Variants in ZC3H7B observed in about 807,000 individuals in gnomAD.
ZC3H7B encodes the protein zinc finger CCCH domain-containing protein 7B.
In ZC3H7B, 35 loss-of-function variants were observed where a neutral mutation model predicts 116.0. The ratio of observed to expected loss-of-function variants is 0.30; its 90% CI spans 0.23 to 0.40. The LOEUF is 0.40. Ranked by LOEUF, ZC3H7B falls within the 10% of genes least tolerant of loss-of-function variation. The pLI is 1.00. For synonymous variants in ZC3H7B, 502 were observed against 545.6 expected (o/e 0.92, Z 1.11); for missense variants, 1,011 against 1,321.5 (o/e 0.77, Z 3.64).
chr22:41,310,104 C>T (rs2036098705), intron 1 of ZC3H7B, among the ~76,000 whole-genome samples: 1 of 152,046 alleles, frequency 6.6e-6, no homozygotes, highest in African/African-American at 2.4e-5. Context: ...ACTCGGGAGG[C>T]TGAGGCAGGA....
At chr22:41,304,629 G>C (rs1287846634) in intron 1 of ZC3H7B, among the ~76,000 whole-genome samples, 1 of 152,162 alleles carries the variant, frequency 6.6e-6, no homozygotes, top group Non-Finnish European at 1.5e-5. Context: ...AGTTAGAGAA[G>C]GCTTCTTCTA....
intron 1 of ZC3H7B, 149 bp from the exon 2 acceptor site, chr22:41,320,506 G>A: frequency 1.2e-6 from 1 of 854,390 alleles, no homozygotes; most frequent in Non-Finnish European, 2.0e-6. Flanking sequence ...CCTGAGGGTG[G>A]TCATCGCCCT....
At chr22:41,339,277 A>G (rs1043727339) in intron 9 of ZC3H7B, 86 bp downstream of exon 9, 27 of 1,463,902 alleles carry the variant, frequency 1.8e-5, no homozygotes, top group East Asian at 2.4e-5. Flanking sequence ...GAAGGCCCCA[A>G]TGCTCATGTC....
At chr22:41,323,179 G>A (rs2036278550) in intron 2 of ZC3H7B, among the ~76,000 whole-genome samples, 1 of 152,174 alleles carries the variant, frequency 6.6e-6, no homozygotes, top group Admixed American at 6.5e-5. Context: ...CTGGGCTGTT[G>A]TCCAACCCCA....
At chr22:41,355,374 T>C in intron 17 of ZC3H7B, 95 bp from the exon 18 acceptor site, 1 of 1,529,532 alleles carries the variant, frequency 6.5e-7, no homozygotes, top group South Asian at 1.3e-5. Context: ...ACCAGCTTAT[T>C]CCAAGGCTCT....
chr22:41,342,298 G>A (rs2145931345), intron 11 of ZC3H7B, among the ~76,000 whole-genome samples: 1 of 152,274 alleles, frequency 6.6e-6, no homozygotes, highest in South Asian at 2.1e-4. Flanking sequence ...CACTAGCCTG[G>A]GACCATATGC....
intron 1 of ZC3H7B, among the ~76,000 whole-genome samples, chr22:41,312,871 G>A (rs890244642): frequency 1.3e-5 from 2 of 152,056 alleles, no homozygotes; most frequent in Admixed American, 6.6e-5. Context: ...CAGCTTAGGC[G>A]GCAGAGATCC....
Position 41,324,362 on chromosome 22 carries a change from G to A in ZC3H7B, c.54-1202G>A, listed in dbSNP as rs148698161. Among the ~76,000 whole-genome samples the A allele has an allele frequency of 3.4e-3, 522 of 152,252 alleles. 1 individual carries two copies. Among genetic ancestry groups the A allele is most frequent in the East Asian group, 0.015 (76 of 5,172 alleles). ...CGTTGCGCCTCTGCCCACCTCTCAC[G>A]CACTAGCCTAGGCCACTCTTTCCTG... On this transcript the variant is annotated intron_variant, in intron 2 of 22. Coordinates refer to ENST00000352645, the MANE Select transcript of ZC3H7B (RefSeq NM_017590.6).
chr22:41,345,933 C>A, intron 13 of ZC3H7B, 70 bp from the exon 14 acceptor site: 1 of 1,516,984 alleles, frequency 6.6e-7, no homozygotes, highest in Non-Finnish European at 9.1e-7. Flanking sequence ...CAGGCCGCAG[C>A]GGGGTGGCGA....
chr22:41,352,740 C>T (rs528300331), intron 17 of ZC3H7B, among the ~76,000 whole-genome samples: 245 of 150,804 alleles, frequency 1.6e-3, no homozygotes, highest in African/African-American at 5.5e-3. Context: ...CCAGCTAGGG[C>T]GACAGTGTGA....
chr22:41,340,672 C>T (rs1246753870), intron 10 of ZC3H7B, among the ~76,000 whole-genome samples: 1 of 152,156 alleles, frequency 6.6e-6, no homozygotes, highest in African/African-American at 2.4e-5. Flanking sequence ...AGGAGGCTTC[C>T]TGGAGGAAGT....
intron 7 of ZC3H7B, among the ~76,000 whole-genome samples, chr22:41,337,936 C>T (rs931701208): frequency 8.0e-5 from 12 of 150,668 alleles, no homozygotes; most frequent in Admixed American, 2.6e-4. Context: ...GGCATGATCT[C>T]GGCTCACTGC....
At chr22:41,333,951 T>C (rs2145922913) in intron 7 of ZC3H7B, 1 of 152,118 alleles carries the variant, frequency 6.6e-6, no homozygotes, top group East Asian at 1.9e-4. Flanking sequence ...GACCGGAAGG[T>C]TGAAGAGTTA....
At chr22:41,334,314 A>G (rs1398322889) in intron 7 of ZC3H7B, 1 of 152,252 alleles carries the variant, frequency 6.6e-6, no homozygotes, top group African/African-American at 2.4e-5. Flanking sequence ...TGCTCAAAAA[A>G]TATTTGTTGA....
At chr22:41,330,218 G>A in intron 6 of ZC3H7B, 115 bp downstream of exon 6, 3 of 1,014,434 alleles carry the variant, frequency 3.0e-6, no homozygotes, top group East Asian at 2.6e-5. Flanking sequence ...TTAGGACAGA[G>A]GGGAGTGACA....
chr22:41,322,680 G>A (rs138924249), intron 2 of ZC3H7B, among the ~76,000 whole-genome samples: 13 of 152,222 alleles, frequency 8.5e-5, no homozygotes, highest in East Asian at 7.7e-4. Flanking sequence ...GCAATCCTGC[G>A]TTCATCATTT....
Position 41,330,047 on chromosome 22 carries a change from C to A in ZC3H7B, c.469C>A (p.Gln157Lys). 1 of 1,613,862 alleles carries A rather than the reference C, an allele frequency of 6.2e-7. No individual in the cohort carries two copies. The highest frequency in any genetic ancestry group is 1.1e-5 in the South Asian group (1 of 91,046). ...PHDESVTQLG[Q>K]ELAQKLGLRV... Reference sequence around the variant, plus strand: ...GGATGAAAGCGTGACTCAGCTTGGTCAGGAGCTGGCCCAGAAACTGGGGCT... The same window carrying A: ...GGATGAAAGCGTGACTCAGCTTGGTAAGGAGCTGGCCCAGAAACTGGGGCT... Residue 157 changes from glutamine (Q) to lysine (K), a missense_variant, in exon 6 of 23, where the codon CAG becomes AAG. By Grantham distance (53) the Gln-to-Lys change is moderately conservative (BLOSUM62 1). Transcript: ENST00000352645.
intron 9 of ZC3H7B, 152 bp downstream of exon 9, chr22:41,339,343 C>A: frequency 2.1e-6 from 2 of 968,454 alleles, no homozygotes; most frequent in Non-Finnish European, 2.9e-6. Flanking sequence ...AATGAAGCTG[C>A]ACACTGGGCA....
Position 41,357,495 on chromosome 22 carries a change from A to G in ZC3H7B, c.*66A>G, listed in dbSNP as rs551685112. 2.2e-4 allele frequency: 244 copies of G among 1,101,418 alleles called. 2 individuals are homozygous for G. In the South Asian group the frequency reaches 2.9e-3, roughly 13 times the overall value. 68.2% of individuals were successfully genotyped at this position (1,101,418 alleles called of 1,614,324 possible). A position where few individuals can be genotyped will look rare whatever the true frequency, so the allele number is the denominator to read the frequency against. On this transcript the variant is annotated 3_prime_UTR_variant, in exon 23 of 23. Transcript: ENST00000352645. This position sits in a 1 kb window ranked among gnomAD's most constrained non-coding sequence, Gnocchi z 5.4. ...GTGGGGTGGGGCCAGAAGGCCTGAT[A>G]GAAGGGTCAGGGCAGGCCAGGGGGG... is the stretch of plus-strand genomic sequence containing the variant.
Sources: allele counts gnomAD v4.1 joint callset (sites outside exome capture counted in the v4.1 genomes callset), GRCh38; gene constraint gnomAD v4.1.1; non-coding constraint Gnocchi (gnomAD v3.1); transcripts MANE v1.5; gene names NCBI Gene and HGNC (gene_info 2026-07-23, HGNC 2026-07-21).